The following FRS2 variants were observed in gnomAD, a reference collection of about 807,000 sequenced individuals.
FRS2 encodes the protein fibroblast growth factor receptor substrate 2.
FRS2 carries 8 observed loss-of-function variants against 43.9 expected under a neutral mutation model. That is an observed-to-expected ratio of 0.18 (90% CI 0.11 to 0.33). FRS2 has a LOEUF of 0.33. Among genes scored for constraint, FRS2 ranks in the 10% least tolerant of loss-of-function variants. FRS2 has a pLI of 1.00. For missense variants in FRS2, 534 were observed against 627.6 expected (o/e 0.85, Z 1.59); for synonymous variants, 219 against 220.3 (o/e 0.99, Z 0.05).
Position 69,574,704 on chromosome 12 carries a change from C to T in FRS2, c.1276C>T (p.Arg426Cys), listed in dbSNP as rs375588784. 82 of 1,613,926 alleles carry T rather than the reference C, an allele frequency of 5.1e-5. No homozygotes were observed. Among genetic ancestry groups the T allele is most frequent in the Admixed American group, 5.0e-4 (30 of 60,004 alleles). The change falls in exon 9 of 9, where the codon CGC becomes TGC. Residue 426 changes from arginine (R) to cysteine (C), a missense_variant. Around this residue, in one of 3 missense-constraint regions of FRS2, gnomAD observed 446 missense variants for 494.2 expected, o/e 0.90. Coordinates refer to ENST00000549921, the MANE Select transcript of FRS2 (RefSeq NM_001278356.2). Reference sequence around the variant, plus strand: ...AACAGTCTTTAACTTTGATATCAGACGCCCAAGTTTAGAACACAGGCAGCT... The same window carrying T: ...AACAGTCTTTAACTTTGATATCAGATGCCCAAGTTTAGAACACAGGCAGCT... ...TPTVFNFDIR[R>C]PSLEHRQLNY...
chr12:69,476,805 C>A (rs1565710545), intron 1 of FRS2, among the ~76,000 whole-genome samples: 2 of 152,004 alleles, frequency 1.3e-5, no homozygotes, highest in Non-Finnish European at 2.9e-5. Flanking sequence ...GCCTAGGTGA[C>A]TGTTAAATTA....
intron 1 of FRS2, among the ~76,000 whole-genome samples, chr12:69,471,971 A>G (rs1402505116): frequency 6.6e-6 from 1 of 152,252 alleles, no homozygotes; most frequent in Non-Finnish European, 1.5e-5. Context: ...ATGCAAAGGA[A>G]AATTTATTTC....
At chr12:69,529,516 C>A (rs889423140) in intron 1 of FRS2, among the ~76,000 whole-genome samples, 1 of 151,674 alleles carries the variant, frequency 6.6e-6, no homozygotes, top group Non-Finnish European at 1.5e-5. Flanking sequence ...CCCAGCTACT[C>A]GGGAGGCTAA....
chr12:69,489,594 C>G lies in FRS2; in HGVS notation c.-261+19064C>G, dbSNP rs577394384. Among the ~76,000 whole-genome samples, 10 of 150,818 alleles carry G rather than the reference C, an allele frequency of 6.6e-5. No homozygotes were observed. In the South Asian group the frequency reaches 2.1e-3, roughly 32 times the overall value. ...CTGAGGCAGGAGAATCGCTTGAACC[C>G]AGGAGGCGGAAATTGCAGTGAGCTG... On this transcript the variant is annotated intron_variant, in intron 1 of 8. Transcript: ENST00000549921.
intron 8 of FRS2, among the ~76,000 whole-genome samples, chr12:69,573,366 A>G (rs1200199835): frequency 6.6e-6 from 1 of 152,200 alleles, no homozygotes; most frequent in Non-Finnish European, 1.5e-5. Flanking sequence ...GAGAACCTCT[A>G]AAACAGCAGC....
chr12:69,560,394 A>G (rs1237269247), intron 3 of FRS2, among the ~76,000 whole-genome samples: 1 of 152,244 alleles, frequency 6.6e-6, no homozygotes, highest in Non-Finnish European at 1.5e-5. Context: ...AAAGGCATGC[A>G]GCATTGTAAA....
At chr12:69,521,011 A>C (rs1034013497) in intron 1 of FRS2, among the ~76,000 whole-genome samples, 2 of 152,106 alleles carry the variant, frequency 1.3e-5, no homozygotes, top group Non-Finnish European at 2.9e-5. Flanking sequence ...CATTTTAACG[A>C]TATTGATTCT....
At chr12:69,552,242 C>T (rs1878939982) in intron 3 of FRS2, among the ~76,000 whole-genome samples, 1 of 126,568 alleles carries the variant, frequency 7.9e-6, no homozygotes, top group African/African-American at 3.0e-5. Context: ...GCGGAGGTTG[C>T]AGTGAGCCAA....
At chr12:69,527,242 C>G (rs1876334443) in intron 1 of FRS2, among the ~76,000 whole-genome samples, 1 of 152,006 alleles carries the variant, frequency 6.6e-6, no homozygotes, top group East Asian at 1.9e-4. Context: ...TTAATAATCC[C>G]CTAATGCCAC....
intron 3 of FRS2, among the ~76,000 whole-genome samples, chr12:69,548,472 T>A (rs1302941259): frequency 6.6e-6 from 1 of 152,230 alleles, no homozygotes; most frequent in Non-Finnish European, 1.5e-5. Context: ...ATTTTTAGGT[T>A]GGTAACTTTT....
Position 69,570,416 on chromosome 12 carries a change from A to G in FRS2, c.152A>G (p.Lys51Arg). 6.2e-7 allele frequency: 1 copy of G among 1,612,874 alleles called. No individual in the cohort carries two copies. The highest frequency in any genetic ancestry group is 8.5e-7 in the Non-Finnish European group (1 of 1,178,852). The change falls in exon 6 of 9, where the codon AAA becomes AGA. Residue 51 changes from lysine (K) to arginine (R), a missense_variant. Lys to Arg is a conservative substitution (Grantham distance 26). Around this residue, in one of 3 missense-constraint regions of FRS2, gnomAD observed 76 missense variants for 90.5 expected, o/e 0.84. Transcript: ENST00000549921. ...TDTELILYTR[K>R]RDSVKWHYLC... ...ACAGAACTGATTTTATACACCCGCA[A>G]ACGTGACTCAGTAAAATGGCACTAC...
In FRS2 at chr12:69,573,380, A is replaced by G. The variant is rs1733027300; in HGVS notation, c.577-625A>G. On this transcript the variant is annotated intron_variant, in intron 8 of 8. Transcript: ENST00000549921. ...TGAGAACCTCTAAAACAGCAGCAAA[A>G]TGATAATCCCTATTTTGTTCCTGAT... Among the ~76,000 whole-genome samples the G allele has an allele frequency of 1.3e-5, 2 of 152,212 alleles. 1 individual carries two copies. Among genetic ancestry groups the G allele is most frequent in the Admixed American group, 1.3e-4 (2 of 15,282 alleles).
At chr12:69,506,115 A>T (rs1187740094) in intron 1 of FRS2, among the ~76,000 whole-genome samples, 1 of 152,124 alleles carries the variant, frequency 6.6e-6, no homozygotes, top group East Asian at 1.9e-4. Flanking sequence ...ACACTATTTG[A>T]GTTGGCTTGC....
rs1364341258 is a variant in FRS2 at position 69,555,631 on chromosome 12, A to T, written c.-121-6549A>T. Among the ~76,000 whole-genome samples, 3 of 152,214 alleles carry T rather than the reference A, an allele frequency of 2.0e-5. No homozygotes were observed. The East Asian group carries it at 5.8e-4, about 29-fold the overall frequency. On this transcript the variant is annotated intron_variant, in intron 3 of 8. Coordinates refer to ENST00000549921, the MANE Select transcript of FRS2 (RefSeq NM_001278356.2). ...TATTTGTGGGATGCGAAATTTCCAT[A>T]TACAAAGGGCTGACTTTTCATACAC... is the stretch of plus-strand genomic sequence containing the variant.
intron 4 of FRS2, among the ~76,000 whole-genome samples, chr12:69,565,542 G>T (rs1173837137): frequency 6.6e-6 from 1 of 151,990 alleles, no homozygotes; most frequent in Non-Finnish European, 1.5e-5. Context: ...CAGTACAGAA[G>T]TATTTTTTTA....
At chr12:69,528,521 A>C (rs1176812229) in intron 1 of FRS2, among the ~76,000 whole-genome samples, 1 of 152,254 alleles carries the variant, frequency 6.6e-6, no homozygotes, top group Non-Finnish European at 1.5e-5. Context: ...GAGTTATGGT[A>C]CAGATGATTT....
intron 4 of FRS2, among the ~76,000 whole-genome samples, chr12:69,566,514 G>A (rs1880308301): frequency 6.6e-6 from 1 of 151,954 alleles, no homozygotes; most frequent in Admixed American, 6.6e-5. Flanking sequence ...GTCTGAGGCA[G>A]GAGAATCTCT....
At chr12:69,521,866 G>A (rs935806821) in intron 1 of FRS2, among the ~76,000 whole-genome samples, 12 of 152,166 alleles carry the variant, frequency 7.9e-5, no homozygotes, top group African/African-American at 1.4e-4. Context: ...CACCTGCCTC[G>A]GCCTCCCAAA....
At position 69,578,441 on chromosome 12, in the gene FRS2, C is replaced by T. The variant is rs954159353; in HGVS notation, c.*3486C>T. 1 of 152,460 alleles carries T rather than the reference C, an allele frequency of 6.6e-6. No homozygotes were observed. Among genetic ancestry groups the T allele is most frequent in the East Asian group, 1.9e-4 (1 of 5,202 alleles). 9.4% of individuals were successfully genotyped at this position (152,460 alleles called of 1,614,324 possible). A position where few individuals can be genotyped will look rare whatever the true frequency, so the allele number is the denominator to read the frequency against. On this transcript the variant is annotated 3_prime_UTR_variant, in exon 9 of 9. Coordinates refer to ENST00000549921, the MANE Select transcript of FRS2 (RefSeq NM_001278356.2). ...ATTTTATGACGTACCACAGTATACT[C>T]TGCCCAAACCAGCACCCTATCTATC...
Sources: gnomAD v4.1 joint callset for allele counts (sites outside exome capture counted in the v4.1 genomes callset) on GRCh38, gnomAD v4.1.1 for gene constraint, gnomAD v4.1.1 regional missense constraint, MANE v1.5 for transcripts, NCBI Gene and HGNC (gene_info 2026-07-23, HGNC 2026-07-21) for gene names.